The following PLXNA1 variants were observed in gnomAD, a reference collection of about 807,000 sequenced individuals.
PLXNA1 encodes the protein plexin A1.
PLXNA1 carries 77 observed loss-of-function variants against 191.7 expected under a neutral mutation model. The ratio of observed to expected loss-of-function variants is 0.40; its 90% CI spans 0.33 to 0.49. PLXNA1 has a LOEUF of 0.49. Among genes scored for constraint, PLXNA1 ranks in the 20% least tolerant of loss-of-function variants. PLXNA1 has a pLI of 0.63. For synonymous variants in PLXNA1, 1,137 were observed against 1,156.4 expected (o/e 0.98, Z 0.34); for missense variants, 2,110 against 2,660.2 (o/e 0.79, Z 4.55).
rs372794860 is a variant in PLXNA1, at chr3:126,989,499, C to T, written c.906C>T (p.Cys302=). The T allele has an allele frequency of 1.9e-4, 311 of 1,613,626 alleles. 2 individuals carry two copies. The East Asian group carries it at 4.7e-3, about 24-fold the overall frequency. The change falls in exon 2 of 32, where the codon TGC becomes TGT. Residue 302 remains cysteine (C), a synonymous_variant. Coordinates refer to ENST00000393409, the MANE Select transcript of PLXNA1 (RefSeq NM_032242.4). ...CGTACGTTGAGTTCCCCATTGGCTG[C>T]GAGCAGGCGGGTGTGGAGTACCGCC... ...FYSYVEFPIG[C]EQAGVEYRLV...
At chr3:126,985,170 G>A (rs537640253) in intron 1 of PLXNA1, among the ~76,000 whole-genome samples, 1 of 152,294 alleles carries the variant, frequency 6.6e-6, no homozygotes, top group East Asian at 1.9e-4. Context: ...GTTTCTCAGG[G>A]TGAGAAGGAG....
At position 126,986,375 on chromosome 3, in the gene PLXNA1, C is replaced by T. The variant is rs565822679; in HGVS notation, c.-73-2146C>T. On this transcript the variant is annotated intron_variant, in intron 1 of 31. Coordinates refer to ENST00000393409, the MANE Select transcript of PLXNA1 (RefSeq NM_032242.4). ...CAGCTGGCAGCCTGCTAGGAGCACC[C>T]TGCAGTTCCTGCTCTGGGATTCCAG... Among the ~76,000 whole-genome samples the T allele has an allele frequency of 2.0e-5, 3 of 152,346 alleles. No homozygotes were observed. In the South Asian group the frequency reaches 6.2e-4, roughly 32 times the overall value.
intron 10 of PLXNA1, among the ~76,000 whole-genome samples, chr3:127,013,389 C>G (rs1218638936): frequency 6.6e-6 from 1 of 152,216 alleles, no homozygotes; most frequent in Admixed American, 6.5e-5. Context: ...GCCGGGCCGC[C>G]CCTTGGAGAT....
Position 126,989,359 on chromosome 3 carries a change from G to A in PLXNA1, c.766G>A (p.Val256Ile). 6.2e-7 allele frequency: 1 copy of A among 1,613,642 alleles called. No homozygotes were observed. The highest frequency in any genetic ancestry group is 1.3e-5 in the African/African-American group (1 of 75,068). ...YVYSFRSEQF[V>I]YYLTLQLDTQ... ...GTACAGCTTCCGCAGCGAGCAGTTT[G>A]TCTACTACCTCACGCTGCAGCTAGA... The change falls in exon 2 of 32, where the codon GTC becomes ATC. Residue 256 changes from valine (V) to isoleucine (I), a missense_variant. By Grantham distance (29) the Val-to-Ile change is conservative (BLOSUM62 3). This residue lies in a region of PLXNA1 where 903 missense variants were observed against 1,015.7 expected (regional missense o/e 0.89). Transcript: ENST00000393409.
intron 18 of PLXNA1, 23 bp downstream of exon 18, chr3:127,017,687 C>G: frequency 6.2e-7 from 1 of 1,613,198 alleles, no homozygotes; most frequent in Non-Finnish European, 8.5e-7. Context: ...TGCCCGTAGG[C>G]TGGGCCAAGC....
rs73196531 is a variant in PLXNA1 at position 126,994,671 on chromosome 3, G to A, written c.1377+3105G>A. Among the ~76,000 whole-genome samples, 1,016 of 152,228 alleles carry A rather than the reference G, an allele frequency of 6.7e-3. 7 individuals carry two copies. The highest frequency in any genetic ancestry group is 0.011 in the Non-Finnish European group (743 of 68,008). ...CACAGGCCTCTACTTGGCCTGGCCC[G>A]GGGGCAGCAGAACTTCACTTCTCCT... On this transcript the variant is annotated intron_variant, in intron 3 of 31. Transcript: ENST00000393409.
At chr3:127,017,094 T>C (rs1045292769) in intron 17 of PLXNA1, 57 bp downstream of exon 17, 2 of 1,456,584 alleles carry the variant, frequency 1.4e-6, no homozygotes, top group African/African-American at 2.8e-5. Flanking sequence ...GGGATGGGGC[T>C]CCTGCTAGGA....
At chr3:127,011,548 T>C (rs991068316) in intron 9 of PLXNA1, among the ~76,000 whole-genome samples, 1 of 152,212 alleles carries the variant, frequency 6.6e-6, no homozygotes, top group African/African-American at 2.4e-5. Flanking sequence ...CAGTTATTGT[T>C]GCCGAAATGC....
chr3:127,030,100 G>GCTA lies in PLXNA1; in HGVS notation c.5061+36_5061+37insCTA, dbSNP rs770200064. On this transcript the variant is annotated intron_variant, in intron 28 of 31. Transcript: ENST00000393409. ...CTGGCAGATGGGGGCAGGGGACGCTGGGCCAACTGAGCTCAGAGAAAGTGC... is the reference window on the plus strand; with the variant it reads ...CTGGCAGATGGGGGCAGGGGACGCTGCTAGGCCAACTGAGCTCAGAGAAAGTGC... 9 of 1,603,496 alleles carry GCTA rather than the reference G, an allele frequency of 5.6e-6. No homozygotes were observed. The Admixed American group carries it at 1.3e-4, about 24-fold the overall frequency.
intron 16 of PLXNA1, 103 bp from the exon 17 acceptor site, chr3:127,016,841 C>G: frequency 7.2e-7 from 1 of 1,394,802 alleles, no homozygotes; most frequent in Non-Finnish European, 1.0e-6. Flanking sequence ...TGTTTCCTGT[C>G]TTTGGGGAAG....
intron 7 of PLXNA1, among the ~76,000 whole-genome samples, chr3:127,005,775 G>A (rs888202052): frequency 2.0e-5 from 3 of 152,128 alleles, no homozygotes; most frequent in African/African-American, 7.2e-5. Flanking sequence ...GACTTGGGGT[G>A]CAGGACCCCT....
rs771388048 is a variant in PLXNA1 at position 127,005,068 on chromosome 3, A to G, written c.1744-22A>G. On this transcript the variant is annotated intron_variant, in intron 6 of 31. Transcript: ENST00000393409. ...GACAGCCATGGGGACCCTGCTCACC[A>G]TGCCTCCTGCTGCCTGCCCAGCTTG... The G allele has an allele frequency of 5.0e-5, 81 of 1,611,284 alleles. No homozygotes were observed. The Middle Eastern group carries it at 8.2e-4, about 16-fold the overall frequency.
intron 23 of PLXNA1, among the ~76,000 whole-genome samples, chr3:127,025,437 T>A (rs901404630): frequency 6.6e-6 from 1 of 152,226 alleles, no homozygotes. Flanking sequence ...CTTAAAAAAA[T>A]TTGTTATGGT....
At position 127,036,589 on chromosome 3, in the gene PLXNA1, G is replaced by A. The variant is rs1254748874; in HGVS notation, c.*2572G>A. Reference sequence around the variant, plus strand: ...TGCCAGGTCGTGGAGTTAGGCCCCAGTCCCTACTTGTCACTGGTTCCCACT... The same window carrying A: ...TGCCAGGTCGTGGAGTTAGGCCCCAATCCCTACTTGTCACTGGTTCCCACT... On this transcript the variant is annotated 3_prime_UTR_variant, in exon 32 of 32. Coordinates refer to ENST00000393409, the MANE Select transcript of PLXNA1 (RefSeq NM_032242.4). The A allele has an allele frequency of 6.6e-6, 1 of 152,440 alleles. No homozygotes were observed. The highest frequency in any genetic ancestry group is 1.5e-5 in the Non-Finnish European group (1 of 68,074). The allele number at this position is 152,440 out of a possible 1,614,324, so 9.4% of individuals were successfully genotyped here.
intron 3 of PLXNA1, among the ~76,000 whole-genome samples, chr3:126,993,487 G>A (rs1405165545): frequency 1.3e-5 from 2 of 152,146 alleles, no homozygotes; most frequent in East Asian, 1.9e-4. Context: ...CGTCCTCATG[G>A]CCTGACATGG....
At position 127,029,552 on chromosome 3, in the gene PLXNA1, G is replaced by C; in HGVS notation, c.4870+16G>C. ...AGCAGATACGGTGAGGGGCCAGGCA[G>C]CGGGCGAGAGGGCAGCGCATGGGTC... On this transcript the variant is annotated intron_variant, in intron 27 of 31. Transcript: ENST00000393409. The C allele has an allele frequency of 6.2e-7, 1 of 1,610,930 alleles. No individual in the cohort carries two copies. Among genetic ancestry groups the C allele is most frequent in the Non-Finnish European group, 8.5e-7 (1 of 1,177,544 alleles).
At chr3:126,994,145 A>C (rs1031363179) in intron 3 of PLXNA1, among the ~76,000 whole-genome samples, 4 of 152,054 alleles carry the variant, frequency 2.6e-5, no homozygotes, top group Middle Eastern at 3.2e-3. Flanking sequence ...CTGAGTGCTC[A>C]AGGCAGGTGC....
At chr3:127,006,967 C>G (rs1268847393) in intron 8 of PLXNA1, among the ~76,000 whole-genome samples, 1 of 152,210 alleles carries the variant, frequency 6.6e-6, no homozygotes, top group Admixed American at 6.5e-5. Context: ...TTCAGGTATG[C>G]TTTTGTTTGT....
intron 1 of PLXNA1, among the ~76,000 whole-genome samples, chr3:126,983,524 G>A (rs1263200081): frequency 1.4e-5 from 2 of 146,520 alleles, no homozygotes; most frequent in Non-Finnish European, 3.0e-5. Context: ...GCGTGTGTCC[G>A]GGCGCGGTCG....
Sources: gnomAD v4.1 joint callset for allele counts (sites outside exome capture counted in the v4.1 genomes callset) on GRCh38, gnomAD v4.1.1 for gene constraint, gnomAD v4.1.1 regional missense constraint, MANE v1.5 for transcripts, NCBI Gene and HGNC (gene_info 2026-07-23, HGNC 2026-07-21) for gene names.